The following KLHL4 variants were observed in gnomAD, a reference collection of about 807,000 sequenced individuals.
The protein encoded by KLHL4 is kelch-like protein 4.
KLHL4 carries 17 observed loss-of-function variants against 45.8 expected under a neutral mutation model. The ratio of observed to expected loss-of-function variants is 0.37; its 90% CI spans 0.25 to 0.56. The LOEUF (loss-of-function observed/expected upper bound fraction) is 0.56. Ranked by LOEUF, KLHL4 falls within the 20% of genes least tolerant of loss-of-function variation. KLHL4 has a pLI of 0.79. For missense variants in KLHL4, 544 were observed against 544.9 expected (o/e 1.00, Z 0.02); for synonymous variants, 224 against 189.9 (o/e 1.18, Z -1.47).
At chrX:87,654,158 TA>T in intron 9 of KLHL4, among the ~76,000 whole-genome samples, 1 of 111,175 alleles carries the variant, frequency 9.0e-6, no homozygotes, top group South Asian at 3.8e-4. Context: ...AAATAAAATT[TA>T]AAAAAATTAG....
chrX:87,549,586 T>A (rs1334744714), intron 1 of KLHL4, among the ~76,000 whole-genome samples: 3 of 111,676 alleles, frequency 2.7e-5, no homozygotes, highest in Non-Finnish European at 5.7e-5. Flanking sequence ...CTGAAAATAA[T>A]GCATTAAAAC....
At chrX:87,572,621 T>G (rs1932356029) in intron 1 of KLHL4, among the ~76,000 whole-genome samples, 1 of 110,518 alleles carries the variant, frequency 9.0e-6, no homozygotes, top group Non-Finnish European at 1.9e-5. Flanking sequence ...AAAAGACAGC[T>G]CTGGAAACAA....
intron 9 of KLHL4, among the ~76,000 whole-genome samples, chrX:87,647,111 A>G (rs1422844996): frequency 8.9e-6 from 1 of 112,106 alleles, no homozygotes; most frequent in African/African-American, 3.2e-5. Context: ...AGATATACAT[A>G]TGGCCAACAA....
At chrX:87,570,404 G>C (rs1297842439) in intron 1 of KLHL4, among the ~76,000 whole-genome samples, 1 of 110,495 alleles carries the variant, frequency 9.1e-6, no homozygotes, top group Non-Finnish European at 1.9e-5. Flanking sequence ...TAGACAGAGG[G>C]AGTTGTAAGA....
chrX:87,662,917 G>C (rs1289314802), intron 9 of KLHL4, among the ~76,000 whole-genome samples: 2 of 79,386 alleles, frequency 2.5e-5, no homozygotes, highest in African/African-American at 1.0e-4. Context: ...GAGACAGAGC[G>C]AGACTCCGTC....
chrX:87,624,727 C>T (rs1368057085), intron 5 of KLHL4, among the ~76,000 whole-genome samples: 2 of 112,077 alleles, frequency 1.8e-5, no homozygotes, highest in Non-Finnish European at 3.8e-5. Context: ...CAATTCATCT[C>T]ATGAAAAATA....
At chrX:87,563,368 GT>G (rs1043967432) in intron 1 of KLHL4, among the ~76,000 whole-genome samples, 14 of 109,905 alleles carry the variant, frequency 1.3e-4, no homozygotes, top group African/African-American at 4.6e-4. Context: ...CAAAATAACT[GT>G]TTGAAATGGT....
At chrX:87,595,966 G>A (rs1165833482) in intron 1 of KLHL4, among the ~76,000 whole-genome samples, 1 of 111,404 alleles carries the variant, frequency 9.0e-6, no homozygotes, top group African/African-American at 3.3e-5. Flanking sequence ...CATGGAGGCA[G>A]ATTTCTCATG....
chrX:87,571,203 C>A (rs746453724), intron 1 of KLHL4, among the ~76,000 whole-genome samples: 1 of 110,795 alleles, frequency 9.0e-6, no homozygotes, highest in Admixed American at 9.7e-5. Context: ...AATTTTTAAT[C>A]AATTCGTATG....
chrX:87,664,536 A>G (rs745509599), intron 9 of KLHL4, among the ~76,000 whole-genome samples: 34 of 112,131 alleles, frequency 3.0e-4, no homozygotes, highest in Admixed American at 7.6e-4. Context: ...AATGAAGTGC[A>G]TGGTATCTTG....
At chrX:87,549,211 A>G (rs980134090) in intron 1 of KLHL4, among the ~76,000 whole-genome samples, 15 of 111,337 alleles carry the variant, frequency 1.3e-4, no homozygotes, top group Non-Finnish European at 3.8e-5. Context: ...AATTTTAAAA[A>G]GGATACATAA....
At chrX:87,665,298 T>C (rs1422711874) in intron 10 of KLHL4, among the ~76,000 whole-genome samples, 3 of 112,000 alleles carry the variant, frequency 2.7e-5, no homozygotes, top group Non-Finnish European at 5.6e-5. Flanking sequence ...TTTATGTATA[T>C]GTTGTGACCT....
chrX:87,570,176 T>G (rs1355533832), intron 1 of KLHL4, among the ~76,000 whole-genome samples: 1 of 110,974 alleles, frequency 9.0e-6, no homozygotes, highest in Non-Finnish European at 1.9e-5. Context: ...AGGTACAAAA[T>G]GTATGTATTT....
chrX:87,579,036 A>G (rs1921187472), intron 1 of KLHL4, among the ~76,000 whole-genome samples: 1 of 111,519 alleles, frequency 9.0e-6, no homozygotes, highest in Non-Finnish European at 1.9e-5. Flanking sequence ...TAGTAGGGGC[A>G]GCTAAGAAAT....
In KLHL4 at chrX:87,574,861, C is replaced by A. The variant is rs1921045515; in HGVS notation, c.423-39016C>A. ...CAGTGTTGGTGATATAACGAAATAA[C>A]ATGTGTGCCACTGTTCTGTAAAGTG... On this transcript the variant is annotated intron_variant, in intron 1 of 10. Transcript: ENST00000373119. Among the ~76,000 whole-genome samples, 4 of 111,836 alleles carry A rather than the reference C, an allele frequency of 3.6e-5. No individual in the cohort carries two copies. In the Admixed American group the frequency reaches 3.8e-4, roughly 11 times the overall value.
At chrX:87,532,866 A>C (rs925162003) in intron 1 of KLHL4, among the ~76,000 whole-genome samples, 1 of 111,252 alleles carries the variant, frequency 9.0e-6, no homozygotes, top group East Asian at 2.8e-4. Context: ...AGGAAAAAAC[A>C]AACAACCCCA....
chrX:87,532,291 A>C (rs1175844726), intron 1 of KLHL4, among the ~76,000 whole-genome samples: 1 of 110,525 alleles, frequency 9.0e-6, no homozygotes, highest in Non-Finnish European at 1.9e-5. Context: ...CCATTGATCT[A>C]TATTTCTGTT....
chrX:87,559,292 G>A (rs1217592654), intron 1 of KLHL4, among the ~76,000 whole-genome samples: 1 of 111,979 alleles, frequency 8.9e-6, no homozygotes, highest in African/African-American at 3.2e-5. Flanking sequence ...TGGCCCACTA[G>A]CCATAGTTTG....
chrX:87,524,288 T>C (rs1207989653), intron 1 of KLHL4, among the ~76,000 whole-genome samples: 1 of 111,830 alleles, frequency 8.9e-6, no homozygotes, highest in Non-Finnish European at 1.9e-5. Flanking sequence ...AATAAATTGG[T>C]GAGGTGACAG....
Sources: gnomAD v4.1 joint callset for allele counts (sites outside exome capture counted in the v4.1 genomes callset) on GRCh38, gnomAD v4.1.1 for gene constraint, MANE v1.5 for transcripts, NCBI Gene and HGNC (gene_info 2026-07-23, HGNC 2026-07-21) for gene names.